The following EVL variants were observed in gnomAD, a reference collection of about 807,000 sequenced individuals.
EVL encodes Enah/Vasp-like.
Under a neutral mutation model 59.6 loss-of-function variants are expected in EVL, and 21 were observed. That is an observed-to-expected ratio of 0.35 (90% CI 0.25 to 0.51). The LOEUF (loss-of-function observed/expected upper bound fraction) is 0.51. Ranked by LOEUF, EVL falls within the 20% of genes least tolerant of loss-of-function variation. EVL has a pLI of 0.97. For missense variants in EVL, 462 were observed against 546.6 expected (o/e 0.85, Z 1.54); for synonymous variants, 198 against 203.5 (o/e 0.97, Z 0.23).
chr14:100,054,917 C>T (rs1232518307), intron 1 of EVL, among the ~76,000 whole-genome samples: 2 of 152,096 alleles, frequency 1.3e-5, no homozygotes, highest in African/African-American at 4.8e-5. Flanking sequence ...TAATCTGTGT[C>T]CTGGCCGGGC....
intron 1 of EVL, among the ~76,000 whole-genome samples, chr14:100,032,945 T>G (rs1286502050): frequency 6.6e-6 from 1 of 152,172 alleles, no homozygotes; most frequent in Non-Finnish European, 1.5e-5. Context: ...CTTTTTTTTT[T>G]TAACCTCCTG....
At chr14:100,121,283 C>T (rs1004519480) in intron 3 of EVL, among the ~76,000 whole-genome samples, 4 of 152,168 alleles carry the variant, frequency 2.6e-5, no homozygotes, top group Admixed American at 2.0e-4. Context: ...CTTCCCTGTC[C>T]CTCCCCCCGA....
rs1290363832 is a variant in EVL, at chr14:99,998,023, A to AT, written c.5+25972dup. ...CTTTATTTATTCATTTATTTATTTT[A>AT]TTTTTTATTTTTTTGAGACAAAGTC... On this transcript the variant is annotated intron_variant, in intron 1 of 13. Transcript: ENST00000402714. Among the ~76,000 whole-genome samples the AT allele has an allele frequency of 3.3e-5, 5 of 151,590 alleles. No individual in the cohort carries two copies. The South Asian group carries it at 8.3e-4, about 25-fold the overall frequency.
chr14:100,051,184 T>C (rs954817709), intron 1 of EVL, among the ~76,000 whole-genome samples: 3 of 152,344 alleles, frequency 2.0e-5, no homozygotes, highest in Admixed American at 6.5e-5. Flanking sequence ...AAATTTTAAA[T>C]TGTAGGCCAT....
rs956304247 is a variant in EVL at position 99,972,385 on chromosome 14, G to T, written c.5+328G>T. 6.6e-6 allele frequency among the ~76,000 whole-genome samples: 1 copy of T among 152,082 alleles called. No homozygotes were observed. The highest frequency in any genetic ancestry group is 2.4e-5 in the African/African-American group (1 of 41,434). ...GCGGCGGCCTGGGAGGCAGACCCCC[G>T]CGGGCAGGTGTGGCCGTGTCCCGAC... On this transcript the variant is annotated intron_variant, in intron 1 of 13. Transcript: ENST00000402714. The surrounding 1 kb of genome is among the most constrained non-coding windows in gnomAD (Gnocchi z 4.4).
In EVL at chr14:100,097,732, T is replaced by C. The variant is rs1054274578; in HGVS notation, c.358+74T>C. 6 of 1,410,796 alleles carry C rather than the reference T, an allele frequency of 4.3e-6. No individual in the cohort carries two copies. In the African/African-American group the frequency reaches 8.6e-5, roughly 20 times the overall value. 87.4% of individuals were successfully genotyped at this position (1,410,796 alleles called of 1,614,324 possible). On this transcript the variant is annotated intron_variant, in intron 3 of 13. Transcript: ENST00000392920. ...ACCTCTGCCCTCCCACAGCTCTGGC[T>C]CTCCGGGTATCCTAGCACTGTCACT...
At position 100,097,491 on chromosome 14, in the gene EVL, A is replaced by G. The variant is rs776563301; in HGVS notation, c.191A>G (p.Asn64Ser). ...TCCTTTCTCCTCCAGGTTGTGATCA[A>G]TTATTCAATCGTGAAAGGGCTGAAG... ...VKLQDQQVVI[N>S]YSIVKGLKYN... Residue 64 changes from asparagine (N) to serine (S), a missense_variant, in exon 3 of 14, where the codon AAT becomes AGT. Coordinates refer to ENST00000392920, the MANE Select transcript of EVL (RefSeq NM_016337.3). 20 of 1,605,772 alleles carry G rather than the reference A, an allele frequency of 1.2e-5. No homozygotes were observed. The highest frequency in any genetic ancestry group is 1.7e-5 in the Admixed American group (1 of 57,630).
rs998474553 is a variant in EVL, at chr14:99,972,481, C to T, written c.5+424C>T. Among the ~76,000 whole-genome samples, 1 of 152,180 alleles carries T rather than the reference C, an allele frequency of 6.6e-6. No homozygotes were observed. The highest frequency in any genetic ancestry group is 1.5e-5 in the Non-Finnish European group (1 of 68,024). ...AGCCCGGAGGAGGCTGGCCTGAAGCCCCCAGGCGTTGCCGAAGCCTCCCCC... is the reference window on the plus strand; with the variant it reads ...AGCCCGGAGGAGGCTGGCCTGAAGCTCCCAGGCGTTGCCGAAGCCTCCCCC... On this transcript the variant is annotated intron_variant, in intron 1 of 13. Coordinates refer to the EVL transcript ENST00000402714. This position sits in a 1 kb window ranked among gnomAD's most constrained non-coding sequence, Gnocchi z 4.4.
At chr14:100,041,825 A>G (rs2061472116) in intron 1 of EVL, among the ~76,000 whole-genome samples, 1 of 152,184 alleles carries the variant, frequency 6.6e-6, no homozygotes, top group South Asian at 2.1e-4. Flanking sequence ...TGCCAATAGT[A>G]ATACCCGACT....
intron 1 of EVL, among the ~76,000 whole-genome samples, chr14:100,014,125 G>A (rs1411162502): frequency 6.6e-6 from 1 of 152,028 alleles, no homozygotes; most frequent in Non-Finnish European, 1.5e-5. Flanking sequence ...ACTAGCATTT[G>A]ATTCTTATTC....
chr14:99,988,991 C>T (rs75528780), intron 1 of EVL, among the ~76,000 whole-genome samples: 3,695 of 152,138 alleles, frequency 0.024, 139 homozygotes, highest in African/African-American at 0.085. Flanking sequence ...ATCCCAGTAT[C>T]GCAAGATTGG....
intron 1 of EVL, among the ~76,000 whole-genome samples, chr14:100,009,671 T>A (rs549852538): frequency 1.5e-3 from 229 of 152,350 alleles, no homozygotes; most frequent in Middle Eastern, 6.8e-3. Context: ...GTAAAATATT[T>A]TAGGAGATTT....
chr14:100,065,890 C>A (rs777795381), intron 1 of EVL, among the ~76,000 whole-genome samples: 2 of 152,054 alleles, frequency 1.3e-5, no homozygotes, highest in Non-Finnish European at 2.9e-5. Flanking sequence ...CTAGAATGAC[C>A]CGAGACTGGT....
At chr14:100,135,059 G>A (rs1888686879) in intron 8 of EVL, 1 of 152,258 alleles carries the variant, frequency 6.6e-6, no homozygotes, top group African/African-American at 2.4e-5. Flanking sequence ...ACATGTGTGT[G>A]TTGATTGACA....
intron 1 of EVL, 89 bp downstream of exon 1, chr14:100,065,600 G>C (rs2061913688): frequency 1.4e-6 from 1 of 733,042 alleles, no homozygotes; most frequent in South Asian, 3.0e-5. Context: ...AATTATCTCA[G>C]GTCCCCTTAG....
chr14:100,022,661 A>G (rs1241534015), intron 1 of EVL, among the ~76,000 whole-genome samples: 2 of 152,206 alleles, frequency 1.3e-5, no homozygotes, highest in African/African-American at 2.4e-5. Context: ...TGAGAGCAGA[A>G]TTCATAAAAA....
chr14:100,067,602 C>T (rs2061960141), intron 1 of EVL, among the ~76,000 whole-genome samples: 1 of 152,194 alleles, frequency 6.6e-6, no homozygotes, highest in Non-Finnish European at 1.5e-5. Context: ...GGCCACCACA[C>T]CCAGCTAGCA....
chr14:100,074,000 C>G (rs1194844155), intron 1 of EVL, among the ~76,000 whole-genome samples: 1 of 129,130 alleles, frequency 7.7e-6, no homozygotes, highest in Non-Finnish European at 1.6e-5. Flanking sequence ...GGGAGTCACC[C>G]CCGGGGGCGG....
chr14:100,051,268 C>CTG (rs1406700359), intron 1 of EVL, among the ~76,000 whole-genome samples: 1 of 152,198 alleles, frequency 6.6e-6, no homozygotes, highest in African/African-American at 2.4e-5. Flanking sequence ...TTTGTCCAGC[C>CTG]TGTCCATGCT....
Sources: gnomAD v4.1 joint callset for allele counts (sites outside exome capture counted in the v4.1 genomes callset) on GRCh38, gnomAD v4.1.1 for gene constraint, Gnocchi (gnomAD v3.1) non-coding constraint, MANE v1.5 for transcripts, NCBI Gene and HGNC (gene_info 2026-07-23, HGNC 2026-07-21) for gene names.